ADGRL3: variants seen among roughly 807,000 people sequenced by gnomAD.
ADGRL3 encodes the protein adhesion G protein-coupled receptor L3, also known as calcium-independent alpha-latrotoxin receptor 3.
ADGRL3 carries 62 observed loss-of-function variants against 153.5 expected under a neutral mutation model. The observed-to-expected ratio is 0.40, with a 90% CI of 0.33 to 0.50. ADGRL3 has a LOEUF of 0.50. ADGRL3 is among the 20% of genes least tolerant of loss of function. ADGRL3 has a pLI of 0.47. For missense variants in ADGRL3, 1,641 were observed against 1,859.4 expected (o/e 0.88, Z 2.16); for synonymous variants, 710 against 672.5 (o/e 1.06, Z -0.86).
intron 5 of ADGRL3, among the ~76,000 whole-genome samples, chr4:61,590,360 T>G (rs1012941034): frequency 1.3e-5 from 2 of 152,026 alleles, no homozygotes; most frequent in Non-Finnish European, 2.9e-5. Flanking sequence ...TTTGTTTTTT[T>G]ATATATTTTA....
intron 13 of ADGRL3, among the ~76,000 whole-genome samples, chr4:61,927,454 C>G (rs2150056460): frequency 6.6e-6 from 1 of 151,846 alleles, no homozygotes; most frequent in South Asian, 2.1e-4. Flanking sequence ...GTCCCTATTA[C>G]TATATTAAGG....
chr4:61,732,057 T>G lies in ADGRL3; in HGVS notation c.599-697T>G, dbSNP rs183412334. Among the ~76,000 whole-genome samples, 4 of 152,280 alleles carry G rather than the reference T, an allele frequency of 2.6e-5. No homozygotes were observed. The East Asian group carries it at 5.8e-4, about 22-fold the overall frequency. ...ATTTAACAGGACATTTTTAACTGAT[T>G]AAAATCTAGATCTTGGGTTCTTTTC... On this transcript the variant is annotated intron_variant, in intron 7 of 26. Transcript: ENST00000683033.
intron 1 of ADGRL3, among the ~76,000 whole-genome samples, chr4:61,288,677 T>G (rs966015370): frequency 3.9e-5 from 6 of 151,906 alleles, no homozygotes; most frequent in African/African-American, 1.5e-4. Context: ...ACATAGAACG[T>G]TTTGAGAATA....
intron 5 of ADGRL3, among the ~76,000 whole-genome samples, chr4:61,645,343 G>T (rs868709742): frequency 3.8e-4 from 58 of 151,070 alleles, no homozygotes; most frequent in African/African-American, 1.3e-3. Flanking sequence ...GTTAGCTGGT[G>T]ATTTTGCTCG....
intron 2 of ADGRL3, among the ~76,000 whole-genome samples, chr4:61,445,767 T>C (rs567844791): frequency 6.6e-6 from 1 of 152,194 alleles, no homozygotes; most frequent in East Asian, 1.9e-4. Flanking sequence ...TCATGCACCA[T>C]ATATTGACAT....
At chr4:61,286,565 A>G (rs912797779) in intron 1 of ADGRL3, among the ~76,000 whole-genome samples, 3 of 151,782 alleles carry the variant, frequency 2.0e-5, no homozygotes, top group Admixed American at 6.6e-5. Context: ...TAGTACCTAT[A>G]TAACTGAAGC....
At chr4:61,453,658 ATTTATAC>A (rs1353527028) in intron 2 of ADGRL3, among the ~76,000 whole-genome samples, 2 of 152,162 alleles carry the variant, frequency 1.3e-5, no homozygotes, top group Non-Finnish European at 2.9e-5. Flanking sequence ...GTTTGGAAGT[ATTTATAC>A]TTTATAAATC....
intron 1 of ADGRL3, among the ~76,000 whole-genome samples, chr4:61,331,111 G>C (rs1468058279): frequency 6.6e-6 from 1 of 152,190 alleles, no homozygotes; most frequent in Non-Finnish European, 1.5e-5. Context: ...AGGGACTGTG[G>C]AGATAGTATG....
At chr4:62,012,259 A>G (rs1205312375) in intron 21 of ADGRL3, among the ~76,000 whole-genome samples, 1 of 152,186 alleles carries the variant, frequency 6.6e-6, no homozygotes, top group African/African-American at 2.4e-5. Context: ...AGTAAAAGAC[A>G]GGTGCTCCCT....
chr4:62,071,791 T>A lies in ADGRL3; in HGVS notation c.*883T>A. 1 of 403,704 alleles carries A rather than the reference T, an allele frequency of 2.5e-6. No homozygotes were observed. The highest frequency in any genetic ancestry group is 4.8e-6 in the Non-Finnish European group (1 of 210,422). 25.0% of individuals were successfully genotyped at this position (403,704 alleles called of 1,614,324 possible). A position where few individuals can be genotyped will look rare whatever the true frequency, so the allele number is the denominator to read the frequency against. On this transcript the variant is annotated 3_prime_UTR_variant, in exon 27 of 27. Coordinates refer to ENST00000683033, the MANE Select transcript of ADGRL3 (RefSeq NM_001387552.1). ...CTTTAAAATTTCGCCTGGCAAAAAA[T>A]AAATAAATGGAACTATCACTTTATA...
At chr4:61,478,683 C>A (rs2098095511) in intron 2 of ADGRL3, among the ~76,000 whole-genome samples, 1 of 151,914 alleles carries the variant, frequency 6.6e-6, no homozygotes, top group South Asian at 2.1e-4. Context: ...TGTTATATGT[C>A]TTTCTTGGAT....
At chr4:61,253,958 T>A (rs1262478090) in intron 1 of ADGRL3, among the ~76,000 whole-genome samples, 1 of 152,170 alleles carries the variant, frequency 6.6e-6, no homozygotes, top group African/African-American at 2.4e-5. Context: ...TTTCCCAAAT[T>A]AAGCCTCCAC....
intron 25 of ADGRL3, among the ~76,000 whole-genome samples, chr4:62,060,830 T>C (rs929873747): frequency 3.9e-5 from 6 of 151,946 alleles, no homozygotes; most frequent in Non-Finnish European, 8.8e-5. Flanking sequence ...CATTACACAA[T>C]AGATTGAAAA....
intron 1 of ADGRL3, among the ~76,000 whole-genome samples, chr4:61,285,456 G>A (rs949689082): frequency 6.6e-6 from 1 of 151,726 alleles, no homozygotes; most frequent in African/African-American, 2.4e-5. Flanking sequence ...CATCTGCTTA[G>A]GTTGCAAATC....
chr4:61,898,664 G>A (rs956632673), intron 11 of ADGRL3, among the ~76,000 whole-genome samples: 1 of 151,594 alleles, frequency 6.6e-6, no homozygotes, highest in Non-Finnish European at 1.5e-5. Context: ...TGTCACCCAG[G>A]CTGGAGTGCA....
At chr4:61,324,994 ATTACT>A (rs1246060323) in intron 1 of ADGRL3, among the ~76,000 whole-genome samples, 12 of 152,272 alleles carry the variant, frequency 7.9e-5, no homozygotes, top group Middle Eastern at 3.4e-3. Flanking sequence ...GACTTTACAG[ATTACT>A]TTACTAAGTG....
intron 9 of ADGRL3, among the ~76,000 whole-genome samples, chr4:61,873,053 A>C (rs1581241658): frequency 6.6e-6 from 1 of 152,362 alleles, no homozygotes; most frequent in African/African-American, 2.4e-5. Flanking sequence ...CTTGTTTCAA[A>C]GAGCAGGCTT....
intron 1 of ADGRL3, among the ~76,000 whole-genome samples, chr4:61,380,220 A>G (rs1272136214): frequency 6.6e-6 from 1 of 151,818 alleles, no homozygotes; most frequent in African/African-American, 2.4e-5. Context: ...GTGTGTGTGT[A>G]TGTGTATGTA....
chr4:61,587,262 C>T lies in ADGRL3; in HGVS notation c.295C>T (p.Arg99Cys). The change falls in exon 5 of 27, where the codon CGC becomes TGC. Residue 99 changes from arginine to cysteine, a missense_variant. Arg to Cys is a radical substitution (Grantham distance 180). Transcript: ENST00000683033. ...SRAPIPMAVV[R>C]RELSCESYPI... is the part of the protein sequence containing the mutation. ...TGCCCCAATTCCAATGGCTGTGGTC[C>T]GCAGAGAGCTATCCTGTGAGAGCTA... The T allele has an allele frequency of 1.2e-6, 2 of 1,609,076 alleles. No homozygotes were observed. The highest frequency in any genetic ancestry group is 1.7e-6 in the Non-Finnish European group (2 of 1,177,574).
Sources: allele counts gnomAD v4.1 joint callset (sites outside exome capture counted in the v4.1 genomes callset), GRCh38; gene constraint gnomAD v4.1.1; transcripts MANE v1.5; gene names NCBI Gene and HGNC (gene_info 2026-07-23, HGNC 2026-07-21).